The following DGKI variants were observed in gnomAD, a reference collection of about 807,000 sequenced individuals.
DGKI encodes DAG kinase iota.
DGKI carries 55 observed loss-of-function variants against 147.5 expected under a neutral mutation model. The ratio of observed to expected loss-of-function variants is 0.37; its 90% CI spans 0.30 to 0.47. The LOEUF (loss-of-function observed/expected upper bound fraction) is 0.47. DGKI is among the 20% of genes least tolerant of loss of function. The pLI is 1.00. For missense variants in DGKI, 1,007 were observed against 1,323.8 expected (o/e 0.76, Z 3.71); for synonymous variants, 469 against 477.1 (o/e 0.98, Z 0.22).
At chr7:137,793,781 AGAAGATTTT>A (rs1170350127) in intron 1 of DGKI, among the ~76,000 whole-genome samples, 2 of 152,230 alleles carry the variant, frequency 1.3e-5, no homozygotes, top group Non-Finnish European at 1.5e-5. Context: ...GGAAGAGCCA[AGAAGATTTT>A]GAAGGACTTT....
chr7:137,756,396 G>T (rs1795682153), intron 1 of DGKI, among the ~76,000 whole-genome samples: 1 of 152,008 alleles, frequency 6.6e-6, no homozygotes, highest in African/African-American at 2.4e-5. Context: ...TGCAAACACA[G>T]AAGAAAAAAA....
At chr7:137,843,485 C>T (rs1053152818) in intron 1 of DGKI, 4 of 961,284 alleles carry the variant, frequency 4.2e-6, no homozygotes, top group African/African-American at 3.5e-5. Flanking sequence ...AAAAAATTCT[C>T]ATGGGAAAAA....
intron 27 of DGKI, among the ~76,000 whole-genome samples, chr7:137,455,323 C>T (rs74465843): frequency 0.016 from 2,443 of 151,860 alleles, 68 homozygotes; most frequent in African/African-American, 0.056. Context: ...GTTCGAGGAG[C>T]TCTGTGAAAA....
chr7:137,797,532 A>G (rs1323920387), intron 1 of DGKI, among the ~76,000 whole-genome samples: 3 of 152,196 alleles, frequency 2.0e-5, no homozygotes, highest in Non-Finnish European at 4.4e-5. Flanking sequence ...CAATAATTAC[A>G]CAAAAGAGAA....
intron 1 of DGKI, among the ~76,000 whole-genome samples, chr7:137,769,874 G>A (rs1796130356): frequency 6.6e-6 from 1 of 152,200 alleles, no homozygotes; most frequent in African/African-American, 2.4e-5. Flanking sequence ...CACTGTTGGT[G>A]GGAGTATAAA....
intron 30 of DGKI, among the ~76,000 whole-genome samples, chr7:137,399,607 G>T (rs950207115): frequency 6.6e-6 from 1 of 152,134 alleles, no homozygotes; most frequent in East Asian, 1.9e-4. Flanking sequence ...ATCTCACAGG[G>T]TTGTTGTGAG....
At chr7:137,782,207 C>G (rs1394074386) in intron 1 of DGKI, among the ~76,000 whole-genome samples, 3 of 152,124 alleles carry the variant, frequency 2.0e-5, no homozygotes, top group African/African-American at 7.2e-5. Context: ...AAGTTCTCAG[C>G]CCTGGTCACT....
At chr7:137,392,750 G>A (rs1226887353) in intron 32 of DGKI, among the ~76,000 whole-genome samples, 1 of 152,154 alleles carries the variant, frequency 6.6e-6, no homozygotes, top group Non-Finnish European at 1.5e-5. Flanking sequence ...GGAATTTCCA[G>A]GTTCCAAATA....
chr7:137,737,283 C>A (rs971172359), intron 1 of DGKI, among the ~76,000 whole-genome samples: 88 of 148,942 alleles, frequency 5.9e-4, no homozygotes, highest in African/African-American at 2.0e-3. Context: ...AGAAAAGATT[C>A]TTGATTTACA....
intron 10 of DGKI, 39 bp downstream of exon 10, chr7:137,608,927 T>A: frequency 6.6e-7 from 1 of 1,505,580 alleles, no homozygotes; most frequent in South Asian, 1.1e-5. Context: ...CAAGAAATTA[T>A]CAAAACTTCT....
intron 2 of DGKI, among the ~76,000 whole-genome samples, chr7:137,685,295 T>TA (rs1481941460): frequency 2.0e-5 from 3 of 152,192 alleles, no homozygotes; most frequent in African/African-American, 7.2e-5. Flanking sequence ...GTGCTGGGTT[T>TA]AAAACCAATG....
chr7:137,517,321 A>AAGAAAGAAAGAAAGAAAG (rs1563063979), intron 21 of DGKI, among the ~76,000 whole-genome samples: 4 of 130,258 alleles, frequency 3.1e-5, no homozygotes, highest in African/African-American at 1.3e-4. Flanking sequence ...GAAAGAAAGA[A>AAGAAAGAAAGAAAGAAAG]AGAAAGAAAG....
At chr7:137,411,437 G>A (rs565092341) in intron 29 of DGKI, among the ~76,000 whole-genome samples, 6 of 152,254 alleles carry the variant, frequency 3.9e-5, no homozygotes, top group East Asian at 1.9e-4. Flanking sequence ...CCATGAAATA[G>A]GAACAGTCTT....
At chr7:137,772,246 T>C (rs1796224760) in intron 1 of DGKI, 1 of 152,142 alleles carries the variant, frequency 6.6e-6, no homozygotes, top group African/African-American at 2.4e-5. Flanking sequence ...CTGAATAAAA[T>C]GGAGAGGAAG....
At chr7:137,594,668 C>G (rs1451068047) in intron 12 of DGKI, among the ~76,000 whole-genome samples, 4 of 152,206 alleles carry the variant, frequency 2.6e-5, no homozygotes, top group Non-Finnish European at 5.9e-5. Context: ...TTATACTCCA[C>G]TTGCCTAAAG....
chr7:137,573,276 GATTT>G (rs1818853452), intron 17 of DGKI, among the ~76,000 whole-genome samples: 1 of 152,082 alleles, frequency 6.6e-6, no homozygotes, highest in Admixed American at 6.6e-5. Context: ...CAAATATAAT[GATTT>G]ATTTTCTTCG....
At chr7:137,459,403 T>C (rs1004012078) in intron 27 of DGKI, among the ~76,000 whole-genome samples, 6 of 152,048 alleles carry the variant, frequency 3.9e-5, no homozygotes, top group African/African-American at 4.8e-5. Flanking sequence ...CTGTTTTCAG[T>C]ACTTTTTTCT....
At chr7:137,496,214 C>A (rs1444000748) in intron 21 of DGKI, among the ~76,000 whole-genome samples, 3 of 151,826 alleles carry the variant, frequency 2.0e-5, no homozygotes, top group Non-Finnish European at 4.4e-5. Context: ...TCACAATAGC[C>A]ACAAACAAAA....
At chr7:137,696,461 T>TTTTTTTTTTTTTTTTTTTTTTTTTTG (rs1554459920) in intron 1 of DGKI, among the ~76,000 whole-genome samples, 1 of 109,074 alleles carries the variant, frequency 9.2e-6, no homozygotes, top group African/African-American at 3.1e-5. Flanking sequence ...TTTTTTTTTT[T>TTTTTTTTTTTTTTTTTTTTTTTTTTG]TTGCTTAATG....
Sources: gnomAD v4.1 joint callset for allele counts (sites outside exome capture counted in the v4.1 genomes callset) on GRCh38, gnomAD v4.1.1 for gene constraint, MANE v1.5 for transcripts, NCBI Gene and HGNC (gene_info 2026-07-23, HGNC 2026-07-21) for gene names.